Variants in MEGF9 observed in about 807,000 individuals in gnomAD.
The protein encoded by MEGF9 is multiple epidermal growth factor-like domains protein 9.
MEGF9 carries 6 observed loss-of-function variants against 46.8 expected under a neutral mutation model. The ratio of observed to expected loss-of-function variants is 0.13; its 90% CI spans 0.07 to 0.25. The LOEUF (loss-of-function observed/expected upper bound fraction) is 0.25. Ranked by LOEUF, MEGF9 falls within the 10% of genes least tolerant of loss-of-function variation. The pLI is 1.00. For missense variants in MEGF9, 683 were observed against 792.4 expected (o/e 0.86, Z 1.66); for synonymous variants, 302 against 330.7 (o/e 0.91, Z 0.94).
In MEGF9 at chr9:120,659,543, G is replaced by C; in HGVS notation, c.634C>G (p.Leu212Val). The C allele has an allele frequency of 6.2e-7, 1 of 1,613,162 alleles. No individual in the cohort carries two copies. The highest frequency in any genetic ancestry group is 1.3e-5 in the African/African-American group (1 of 74,996). ...GTCTGGTTGCAGCGATTCACATTCA[G>C]GCTTCCAACCACAGAGCAGTTACAT... ...YVCNCSVVGS[L>V]NVNRCNQTTG... is the part of the protein sequence containing the mutation. Residue 212 changes from leucine to valine, a missense_variant, in exon 2 of 6, where the codon CTG becomes GTG. By Grantham distance (32) the Leu-to-Val change is conservative. Around this residue, in one of 2 missense-constraint regions of MEGF9, gnomAD observed 370 missense variants for 371.3 expected, o/e 1.00. Transcript: ENST00000373930.
At chr9:120,654,812 A>G (rs1023123629) in intron 2 of MEGF9, among the ~76,000 whole-genome samples, 11 of 152,208 alleles carry the variant, frequency 7.2e-5, no homozygotes, top group Admixed American at 2.0e-4. Context: ...GGTGGAAGAC[A>G]GTACTATTGG....
chr9:120,630,411 G>A (rs1451880585), intron 2 of MEGF9, among the ~76,000 whole-genome samples: 1 of 152,136 alleles, frequency 6.6e-6, no homozygotes, highest in Non-Finnish European at 1.5e-5. Context: ...CCACTCTTCT[G>A]GTGATGGACA....
intron 1 of MEGF9, among the ~76,000 whole-genome samples, chr9:120,707,927 C>T (rs374774663): frequency 6.6e-6 from 1 of 152,154 alleles, no homozygotes; most frequent in East Asian, 1.9e-4. Flanking sequence ...TGCCTGTAGT[C>T]CCAGCTACTA....
At chr9:120,641,208 T>C (rs1277467011) in intron 2 of MEGF9, among the ~76,000 whole-genome samples, 3 of 152,186 alleles carry the variant, frequency 2.0e-5, no homozygotes, top group Non-Finnish European at 4.4e-5. Flanking sequence ...CTTAGAATCT[T>C]GGAAATAGAA....
intron 2 of MEGF9, among the ~76,000 whole-genome samples, chr9:120,651,557 T>A (rs73552124): frequency 0.016 from 2,420 of 152,274 alleles, 64 homozygotes; most frequent in African/African-American, 0.055. Flanking sequence ...CATAAATTAA[T>A]AACTGCAAAG....
At chr9:120,629,990 A>G (rs1206313037) in intron 2 of MEGF9, among the ~76,000 whole-genome samples, 2 of 151,944 alleles carry the variant, frequency 1.3e-5, no homozygotes, top group South Asian at 2.1e-4. Flanking sequence ...CGTATTGTCT[A>G]TGGCTATTTT....
At chr9:120,711,123 G>A (rs143910794) in intron 1 of MEGF9, among the ~76,000 whole-genome samples, 1 of 152,328 alleles carries the variant, frequency 6.6e-6, no homozygotes, top group African/African-American at 2.4e-5. Flanking sequence ...TGGATTCTAA[G>A]CAACTCCAGT....
At chr9:120,677,308 T>A (rs76352538) in intron 1 of MEGF9, among the ~76,000 whole-genome samples, 2,713 of 151,316 alleles carry the variant, frequency 0.018, 69 homozygotes, top group African/African-American at 0.058. Flanking sequence ...AAAAAAAAAA[T>A]TTTTTTTATA....
At chr9:120,629,932 C>CA (rs1177937335) in intron 2 of MEGF9, among the ~76,000 whole-genome samples, 514 of 102,068 alleles carry the variant, frequency 5.0e-3, no homozygotes, top group Middle Eastern at 0.013. Flanking sequence ...GACTCCGTCT[C>CA]AAAAAAAAAA....
At position 120,704,333 on chromosome 9, in the gene MEGF9, C is replaced by CA. The variant is rs200388073; in HGVS notation, c.601+9424dup. On this transcript the variant is annotated intron_variant, in intron 1 of 5. Transcript: ENST00000373930. ...TGGGCGACAGAGCGAGACTGTGTCT[C>CA]AAAAAAAAAAAAAAGAGATGAAATT... is the stretch of plus-strand genomic sequence containing the variant. 5.8e-3 allele frequency among the ~76,000 whole-genome samples: 711 copies of CA among 122,370 alleles called. 1 individual carries two copies. The highest frequency in any genetic ancestry group is 0.016 in the Middle Eastern group (4 of 244). 80.3% of individuals were successfully genotyped at this position (122,370 alleles called of 152,430 possible). A position where few individuals can be genotyped will look rare whatever the true frequency, so the allele number is the denominator to read the frequency against.
intron 1 of MEGF9, among the ~76,000 whole-genome samples, chr9:120,669,559 A>G (rs1369275332): frequency 2.0e-5 from 3 of 151,298 alleles, no homozygotes; most frequent in Non-Finnish European, 4.4e-5. Context: ...AATATGAGAC[A>G]AAATAGATGT....
At chr9:120,649,861 G>C (rs2043642165) in intron 2 of MEGF9, among the ~76,000 whole-genome samples, 1 of 152,186 alleles carries the variant, frequency 6.6e-6, no homozygotes, top group Admixed American at 6.5e-5. Context: ...TTACTGTGTA[G>C]CAGCAACGAC....
intron 1 of MEGF9, among the ~76,000 whole-genome samples, chr9:120,684,354 T>C (rs946632482): frequency 1.3e-5 from 2 of 152,242 alleles, no homozygotes; most frequent in Non-Finnish European, 2.9e-5. Context: ...AGAAGTTTAA[T>C]AGATTTGCAG....
At chr9:120,684,172 A>C (rs946307477) in intron 1 of MEGF9, among the ~76,000 whole-genome samples, 2 of 152,222 alleles carry the variant, frequency 1.3e-5, no homozygotes, top group African/African-American at 4.8e-5. Context: ...GCAATTTGAC[A>C]GGAGAACCTG....
At chr9:120,689,324 T>C (rs1436457789) in intron 1 of MEGF9, among the ~76,000 whole-genome samples, 5 of 152,070 alleles carry the variant, frequency 3.3e-5, no homozygotes, top group African/African-American at 1.2e-4. Flanking sequence ...CATAGTACTA[T>C]AGAGAACTGG....
intron 2 of MEGF9, among the ~76,000 whole-genome samples, chr9:120,644,359 G>A (rs556739572): frequency 1.1e-3 from 165 of 152,218 alleles, no homozygotes; most frequent in African/African-American, 3.5e-3. Flanking sequence ...CAAATGTAAT[G>A]TATCTTTCTC....
chr9:120,645,256 A>T (rs1471707119), intron 2 of MEGF9, among the ~76,000 whole-genome samples: 1 of 152,198 alleles, frequency 6.6e-6, no homozygotes, highest in African/African-American at 2.4e-5. Flanking sequence ...ACACAATGAG[A>T]TGTGGCTGCA....
intron 2 of MEGF9, among the ~76,000 whole-genome samples, chr9:120,640,639 G>A (rs531615695): frequency 1.1e-4 from 16 of 151,818 alleles, no homozygotes; most frequent in South Asian, 4.2e-4. Flanking sequence ...ACTTCTAAGC[G>A]CAATATTTAT....
At chr9:120,609,135 T>G (rs930524578) in intron 4 of MEGF9, among the ~76,000 whole-genome samples, 49 of 152,186 alleles carry the variant, frequency 3.2e-4, no homozygotes, top group African/African-American at 1.2e-3. Context: ...TAATCTGACC[T>G]CTGCCTACTT....
Sources: gnomAD v4.1 joint callset for allele counts (sites outside exome capture counted in the v4.1 genomes callset) on GRCh38, gnomAD v4.1.1 for gene constraint, gnomAD v4.1.1 regional missense constraint, MANE v1.5 for transcripts, NCBI Gene and HGNC (gene_info 2026-07-23, HGNC 2026-07-21) for gene names.